CNBD1: variants seen among roughly 807,000 people sequenced by gnomAD.
The protein encoded by CNBD1 is cyclic nucleotide binding domain containing 1.
Under a neutral mutation model 54.4 loss-of-function variants are expected in CNBD1, and 71 were observed. The observed-to-expected ratio is 1.30, with a 90% confidence interval of 1.08 to 1.59. The LOEUF is 1.59. Ranked by LOEUF, CNBD1 falls within the 40% of genes most tolerant of loss-of-function variation. The pLI is 0.00. For synonymous variants in CNBD1, 182 were observed against 170.7 expected (o/e 1.07, Z -0.51); for missense variants, 659 against 518.0 (o/e 1.27, Z -2.64).
intron 1 of CNBD1, 23 bp from the exon 2 acceptor site, chr8:86,887,519 A>T (rs1408720860): frequency 6.7e-7 from 1 of 1,484,926 alleles, no homozygotes; most frequent in African/African-American, 1.4e-5. Context: ...AATTACTCAA[A>T]TTTTTAATTG....
intron 4 of CNBD1, among the ~76,000 whole-genome samples, chr8:87,133,162 T>G (rs1812156038): frequency 6.6e-6 from 1 of 152,158 alleles, no homozygotes; most frequent in Non-Finnish European, 1.5e-5. Flanking sequence ...ATAAGCATGT[T>G]TTTAAATAGT....
intron 4 of CNBD1, among the ~76,000 whole-genome samples, chr8:87,103,222 G>T (rs1018155026): frequency 4.6e-5 from 7 of 152,144 alleles, no homozygotes; most frequent in Non-Finnish European, 8.8e-5. Flanking sequence ...GGTATGGTGA[G>T]TAGGATGGGA....
At chr8:87,310,787 T>C (rs72666854) in intron 8 of CNBD1, among the ~76,000 whole-genome samples, 11,133 of 152,176 alleles carry the variant, frequency 0.073, 514 homozygotes, top group South Asian at 0.097. Context: ...AACAGACACA[T>C]GGACCAATGG....
At chr8:87,386,344 C>G (rs542051072), downstream of CNBD1, among the ~76,000 whole-genome samples, 39 of 151,856 alleles carry the variant, frequency 2.6e-4, no homozygotes, top group African/African-American at 9.2e-4. Flanking sequence ...GAACCCATGG[C>G]AAAGAAGTTA....
intron 4 of CNBD1, among the ~76,000 whole-genome samples, chr8:87,069,509 A>G (rs771297508): frequency 6.6e-6 from 1 of 152,102 alleles, no homozygotes; most frequent in Non-Finnish European, 1.5e-5. Context: ...TCCAGGAGCA[A>G]TAGGCTATAC....
At chr8:87,025,421 G>T (rs533184805) in intron 4 of CNBD1, among the ~76,000 whole-genome samples, 1 of 152,296 alleles carries the variant, frequency 6.6e-6, no homozygotes, top group Admixed American at 6.5e-5. Flanking sequence ...CTCTGCGAAG[G>T]TCTGTGGCTT....
At position 86,905,083 on chromosome 8, in the gene CNBD1, G is replaced by T. The variant is rs199692658; in HGVS notation, c.161G>T (p.Arg54Leu). The change falls in exon 3 of 11, where the codon CGG becomes CTG. Residue 54 changes from arginine (R) to leucine (L), a missense_variant and splice_region_variant. Physicochemically the swap from Arg to Leu is moderately radical, Grantham distance 102. Transcript: ENST00000518476. ...TTAATTTCTCTCTTCTTTTTAAGCC[G>T]GAGTATGAGCAATATCTTATCAGCT... is the stretch of plus-strand genomic sequence containing the variant. ...ALCHIRGQHS[R>L]SMSNILSAHD... 578 of 1,589,286 alleles carry T rather than the reference G, an allele frequency of 3.6e-4. 4 individuals are homozygous for T. Among genetic ancestry groups the T allele is most frequent in the Middle Eastern group, 1.7e-4 (1 of 6,032 alleles).
intron 4 of CNBD1, among the ~76,000 whole-genome samples, chr8:86,965,566 G>A (rs1308975071): frequency 1.3e-5 from 2 of 151,994 alleles, no homozygotes; most frequent in Admixed American, 1.3e-4. Context: ...TGGCTATTAT[G>A]GAGTTTAGAG....
chr8:86,914,847 T>A (rs975047950), intron 3 of CNBD1, among the ~76,000 whole-genome samples: 1 of 152,146 alleles, frequency 6.6e-6, no homozygotes. Flanking sequence ...AGCAAATGTA[T>A]CAAATGGAAT....
chr8:86,936,238 G>C (rs951913954), intron 3 of CNBD1, among the ~76,000 whole-genome samples: 3 of 152,100 alleles, frequency 2.0e-5, no homozygotes, highest in African/African-American at 7.2e-5. Context: ...TGAAAAGGGA[G>C]AGCTACGTAA....
intron 5 of CNBD1, among the ~76,000 whole-genome samples, chr8:87,223,789 C>T (rs1382669530): frequency 2.0e-4 from 31 of 151,926 alleles, no homozygotes; most frequent in Non-Finnish European, 2.7e-4. Context: ...ATGGTATTTC[C>T]AGTTCTAGAT....
At chr8:86,920,020 AG>A in intron 3 of CNBD1, among the ~76,000 whole-genome samples, 1 of 152,216 alleles carries the variant, frequency 6.6e-6, no homozygotes, top group East Asian at 1.9e-4. Flanking sequence ...GAAAAAAAAA[AG>A]TCACCAAACT....
At chr8:87,233,355 T>C (rs1368390355) in intron 5 of CNBD1, among the ~76,000 whole-genome samples, 1 of 152,164 alleles carries the variant, frequency 6.6e-6, no homozygotes, top group Non-Finnish European at 1.5e-5. Context: ...TGCAACAAAA[T>C]GAATATCACG....
At chr8:87,197,111 A>G (rs974810757) in intron 4 of CNBD1, among the ~76,000 whole-genome samples, 3 of 152,364 alleles carry the variant, frequency 2.0e-5, no homozygotes, top group African/African-American at 7.2e-5. Context: ...TAATGACACA[A>G]TTGAAGAAAG....
At chr8:86,889,439 T>C (rs1808732329) in intron 2 of CNBD1, among the ~76,000 whole-genome samples, 1 of 152,170 alleles carries the variant, frequency 6.6e-6, no homozygotes, top group Non-Finnish European at 1.5e-5. Context: ...TCCATATTAT[T>C]AGTTCTTTAT....
At chr8:87,042,014 A>T (rs1409063548) in intron 4 of CNBD1, among the ~76,000 whole-genome samples, 2 of 152,148 alleles carry the variant, frequency 1.3e-5, no homozygotes, top group African/African-American at 4.8e-5. Context: ...AGATGGTGAG[A>T]AGTAGTCAGG....
At chr8:87,389,838 C>T (rs1019616170) in intron 2 of CNBD1, among the ~76,000 whole-genome samples, 1 of 152,162 alleles carries the variant, frequency 6.6e-6, no homozygotes, top group South Asian at 2.1e-4. Context: ...CGCTACCTGA[C>T]TTCAAACTAT....
At chr8:86,997,326 A>G (rs1172793841) in intron 4 of CNBD1, among the ~76,000 whole-genome samples, 1 of 152,192 alleles carries the variant, frequency 6.6e-6, no homozygotes, top group Non-Finnish European at 1.5e-5. Context: ...GAACCTCTTG[A>G]GCATCATTGC....
chr8:87,277,797 A>G (rs910400522), intron 6 of CNBD1, among the ~76,000 whole-genome samples: 1 of 151,724 alleles, frequency 6.6e-6, no homozygotes, highest in Non-Finnish European at 1.5e-5. Flanking sequence ...AGAACAATCA[A>G]TGGTTTTCAT....
Sources: allele counts gnomAD v4.1 joint callset (sites outside exome capture counted in the v4.1 genomes callset), GRCh38; gene constraint gnomAD v4.1.1; transcripts MANE v1.5; gene names NCBI Gene and HGNC (gene_info 2026-07-23, HGNC 2026-07-21).